Variants in PHAX observed in about 807,000 individuals in gnomAD.
PHAX encodes phosphorylated adaptor for RNA export.
PHAX carries 31 observed loss-of-function variants against 41.6 expected under a neutral mutation model. The ratio of observed to expected loss-of-function variants is 0.75; its 90% CI spans 0.56 to 1.01. The LOEUF is 1.01. Ranked by LOEUF, PHAX falls within the 50% of genes least tolerant of loss-of-function variation. The pLI is 0.00. For missense variants in PHAX, 453 were observed against 472.9 expected, an observed-to-expected ratio of 0.96 and a Z score of 0.39; for synonymous variants, 175 against 164.9, an observed-to-expected ratio of 1.06 and a Z score of -0.47.
intron 3 of PHAX, among the ~76,000 whole-genome samples, chr5:126,613,691 A>G (rs1752140686): frequency 6.6e-6 from 1 of 152,108 alleles, no homozygotes; most frequent in Admixed American, 6.6e-5. Context: ...AAAAGTAAAA[A>G]GATTATATGT....
At chr5:126,601,700 G>C (rs1305837698) in intron 1 of PHAX, among the ~76,000 whole-genome samples, 1 of 152,068 alleles carries the variant, frequency 6.6e-6, no homozygotes, top group African/African-American at 2.4e-5. Context: ...GTGGTCTCAC[G>C]CTGTTGCCCA....
chr5:126,623,176 T>C (rs1442341410), intron 4 of PHAX, among the ~76,000 whole-genome samples: 1 of 151,702 alleles, frequency 6.6e-6, no homozygotes, highest in Non-Finnish European at 1.5e-5. Flanking sequence ...AATCAGCAGC[T>C]ACTTGGGATG....
intron 3 of PHAX, among the ~76,000 whole-genome samples, chr5:126,612,843 T>C (rs961232362): frequency 6.6e-6 from 1 of 152,122 alleles, no homozygotes; most frequent in African/African-American, 2.4e-5. Flanking sequence ...AGTGGTCAGA[T>C]TCTGGGTATA....
chr5:126,604,316 AC>A (rs1581415693), intron 2 of PHAX, 133 bp downstream of exon 2: 1 of 848,888 alleles, frequency 1.2e-6, no homozygotes, highest in East Asian at 2.9e-5. Context: ...TTGCTCTGTC[AC>A]CCAGGCTGGA....
intron 3 of PHAX, among the ~76,000 whole-genome samples, chr5:126,610,237 G>T (rs1338438609): frequency 7.2e-5 from 11 of 152,220 alleles, no homozygotes; most frequent in Admixed American, 2.6e-4. Flanking sequence ...GAGCTCCTCT[G>T]GCTAGGCCAG....
At chr5:126,605,490 T>A (rs867854056) in intron 2 of PHAX, among the ~76,000 whole-genome samples, 1 of 152,086 alleles carries the variant, frequency 6.6e-6, no homozygotes, top group South Asian at 2.1e-4. Flanking sequence ...CTCATGAGAA[T>A]TGCTTGAACG....
rs775627917 is a variant in PHAX, at chr5:126,603,614, G to A, written c.141G>A (p.Thr47=). The A allele has an allele frequency of 5.2e-5, 84 of 1,613,918 alleles. No homozygotes were observed. In the Admixed American group the frequency reaches 1.2e-3, roughly 23 times the overall value. ...GDSAMRAFQN[T]ATACAPVSHY... ...GTGCTATGAGGGCCTTCCAGAACAC[G>A]GCAACTGCATGTGCACCAGTATCAC... The change falls in exon 2 of 5, where the codon ACG becomes ACA. Residue 47 remains threonine, a synonymous_variant. Transcript: ENST00000297540.
At chr5:126,615,210 T>C (rs573063028) in intron 3 of PHAX, among the ~76,000 whole-genome samples, 1 of 152,266 alleles carries the variant, frequency 6.6e-6, no homozygotes, top group Non-Finnish European at 1.5e-5. Context: ...AATAGTTATA[T>C]CATAATTTAT....
rs751056860 is a variant in PHAX at position 126,604,117 on chromosome 5, A to G, written c.644A>G (p.Tyr215Cys). The G allele has an allele frequency of 3.8e-6, 6 of 1,599,578 alleles. No individual in the cohort carries two copies. Among genetic ancestry groups the G allele is most frequent in the East Asian group, 2.2e-5 (1 of 44,790 alleles). The change falls in exon 2 of 5, where the codon TAT becomes TGT. Residue 215 changes from tyrosine to cysteine, a missense_variant. Physicochemically the swap from Tyr to Cys is radical, Grantham distance 194. Coordinates refer to ENST00000297540, the MANE Select transcript of PHAX (RefSeq NM_032177.4). ...CTAGGGAACAGACCAGAAATGAACT[A>G]TAAAGGTCGATACGAGATCACAGCG... ...DRLGNRPEMNYKGRYEITAED... is the reference protein window; with the variant it reads ...DRLGNRPEMNCKGRYEITAED...
chr5:126,611,021 CTTTTT>C (rs879525119), intron 3 of PHAX, among the ~76,000 whole-genome samples: 1 of 141,340 alleles, frequency 7.1e-6, no homozygotes, highest in Non-Finnish European at 1.5e-5. Flanking sequence ...AATTTACTTT[CTTTTT>C]TTTTTTGTTT....
intron 1 of PHAX, among the ~76,000 whole-genome samples, chr5:126,602,954 G>A (rs973430101): frequency 8.6e-5 from 13 of 150,532 alleles, no homozygotes; most frequent in Admixed American, 1.3e-4. Context: ...GCAGTGAGCC[G>A]AGATCGCGCC....
At position 126,624,727 on chromosome 5, in the gene PHAX, T is replaced by A; in HGVS notation, c.1068T>A (p.Ser356Arg). ...DDDTSRETFA[S>R]DTNEALASLD... The stretch of plus-strand genomic sequence containing the variant: ...ATACATCACGAGAAACTTTTGCAAG[T>A]GACACGAATGAGGCCTTGGCCTCTC... Residue 356 changes from serine to arginine, a missense_variant, in exon 5 of 5, where the codon AGT becomes AGA. Transcript: ENST00000297540. 6.2e-7 allele frequency: 1 copy of A among 1,614,164 alleles called. No individual in the cohort carries two copies. Among genetic ancestry groups the A allele is most frequent in the East Asian group, 2.2e-5 (1 of 44,868 alleles).
rs879525119 is a variant in PHAX, at chr5:126,611,021, C to CT, written c.831+2548dup. Among the ~76,000 whole-genome samples the CT allele has an allele frequency of 5.4e-3, 757 of 141,274 alleles. 7 individuals are homozygous for CT. Among genetic ancestry groups the CT allele is most frequent in the African/African-American group, 0.016 (612 of 38,184 alleles). The allele number at this position is 141,274 out of a possible 152,430, so 92.7% of individuals were successfully genotyped here. A position where few individuals can be genotyped will look rare whatever the true frequency, so the allele number is the denominator to read the frequency against. ...TATGTCCAGCCCCCAAATTTACTTT[C>CT]TTTTTTTTTTTGTTTTTTTTCTTTT... On this transcript the variant is annotated intron_variant, in intron 3 of 4. Transcript: ENST00000297540.
At chr5:126,604,418 C>A (rs943886486) in intron 2 of PHAX, among the ~76,000 whole-genome samples, 1 of 151,492 alleles carries the variant, frequency 6.6e-6, no homozygotes, top group Admixed American at 6.6e-5. Context: ...GTATGCACCC[C>A]CACGCCCAGC....
intron 2 of PHAX, 143 bp downstream of exon 2, chr5:126,604,326 G>A (rs1341054496): frequency 3.8e-6 from 3 of 781,768 alleles, no homozygotes; most frequent in Non-Finnish European, 5.6e-6. Flanking sequence ...ACCCAGGCTG[G>A]AGTGCAGTTA....
rs1318301493 is a variant in PHAX at position 126,625,144 on chromosome 5, AGTTT to A, written c.*306_*309del. The A allele has an allele frequency of 1.9e-5, 5 of 258,450 alleles. No homozygotes were observed. Among genetic ancestry groups the A allele is most frequent in the Non-Finnish European group, 2.9e-5 (4 of 138,102 alleles). 16.0% of individuals were successfully genotyped at this position (258,450 alleles called of 1,614,324 possible). On this transcript the variant is annotated 3_prime_UTR_variant, in exon 5 of 5. Transcript: ENST00000297540. ...TCTAGGTCATAACATACCATTTGTA[AGTTT>A]GTTTGCTTTTTCAGGTTTATCTTTG...
rs372196684 is a variant in PHAX at position 126,622,197 on chromosome 5, G to A, written c.916-2378G>A. ...TCGCCAGGCTGGAGTGCAGTGGCGC[G>A]CTCTCGGCTCACTGCAACCTCTGCC... is the stretch of plus-strand genomic sequence containing the variant. On this transcript the variant is annotated intron_variant, in intron 4 of 4. Coordinates refer to ENST00000297540, the MANE Select transcript of PHAX (RefSeq NM_032177.4). Among the ~76,000 whole-genome samples, 11 of 152,080 alleles carry A rather than the reference G, an allele frequency of 7.2e-5. No individual in the cohort carries two copies. The East Asian group carries it at 1.7e-3, about 24-fold the overall frequency.
At chr5:126,616,132 G>T (rs913022697) in intron 3 of PHAX, among the ~76,000 whole-genome samples, 1 of 146,418 alleles carries the variant, frequency 6.8e-6, no homozygotes, top group South Asian at 2.1e-4. Flanking sequence ...TGCTCTTGTC[G>T]TCCAGGCTAG....
Position 126,617,245 on chromosome 5 carries a change from TG to T in PHAX, c.832-4del, listed in dbSNP as rs780679420. 1 of 1,598,094 alleles carries T rather than the reference TG, an allele frequency of 6.3e-7. No individual in the cohort carries two copies. The highest frequency in any genetic ancestry group is 2.2e-5 in the East Asian group (1 of 44,728). On this transcript the variant is annotated splice_polypyrimidine_tract_variant and splice_region_variant and intron_variant, in intron 3 of 4. Coordinates refer to ENST00000297540, the MANE Select transcript of PHAX (RefSeq NM_032177.4). ...GCAGTTTACCTTTTCTGTTCCTTTT[TG>T]TAGAATGGTAGTCGAAGAAGAACAC... is the stretch of plus-strand genomic sequence containing the variant.
Sources: allele counts gnomAD v4.1 joint callset (sites outside exome capture counted in the v4.1 genomes callset), GRCh38; gene constraint gnomAD v4.1.1; transcripts MANE v1.5; gene names NCBI Gene and HGNC (gene_info 2026-07-23, HGNC 2026-07-21).